MN1: variants seen among roughly 807,000 people sequenced by gnomAD.
The protein encoded by MN1 is transcriptional activator MN1.
MN1 carries 19 observed loss-of-function variants against 86.9 expected under a neutral mutation model. The observed-to-expected ratio is 0.22, with a 90% confidence interval of 0.15 to 0.32. The LOEUF (loss-of-function observed/expected upper bound fraction) is 0.32. Ranked by LOEUF, MN1 falls within the 10% of genes least tolerant of loss-of-function variation. The pLI is 1.00. For missense variants in MN1, 1,841 were observed against 1,862.0 expected, an observed-to-expected ratio of 0.99 and a Z score of 0.21; for synonymous variants, 928 against 849.6, an observed-to-expected ratio of 1.09 and a Z score of -1.60.
At chr22:27,777,744 C>A (rs1003163024) in intron 1 of MN1, among the ~76,000 whole-genome samples, 1 of 151,548 alleles carries the variant, frequency 6.6e-6, no homozygotes, top group African/African-American at 2.4e-5. Flanking sequence ...GGCGTGGTGG[C>A]GCATGCCTGT....
chr22:27,791,540 G>C (rs1933210789), intron 1 of MN1, among the ~76,000 whole-genome samples: 1 of 152,124 alleles, frequency 6.6e-6, no homozygotes, highest in Non-Finnish European at 1.5e-5. Flanking sequence ...AAGGACAGAA[G>C]GTGAAACCAC....
chr22:27,799,374 G>T lies in MN1; in HGVS notation c.1170C>A (p.Ser390Arg). The T allele has an allele frequency of 6.5e-7, 1 of 1,546,708 alleles. No homozygotes were observed. Among genetic ancestry groups the T allele is most frequent in the Non-Finnish European group, 8.7e-7 (1 of 1,149,176 alleles). ...TGGGGCCTCCGTCCTGCAGGCCGCC[G>T]CTGGGCGTGCCCGCCTCGCCCTGCT... ...RPQQGEAGTP[S>R]GGLQDGGPML... Residue 390 changes from serine to arginine, a missense_variant, in exon 1 of 2, where the codon AGC becomes AGA. Transcript: ENST00000302326.
chr22:27,777,544 A>T (rs1450477140), intron 1 of MN1, among the ~76,000 whole-genome samples: 5 of 151,036 alleles, frequency 3.3e-5, no homozygotes, highest in Non-Finnish European at 7.4e-5. Flanking sequence ...AAAAAAAAAA[A>T]AAAAGAGAGA....
In MN1 at chr22:27,748,712, G is replaced by C; in HGVS notation, c.*2203C>G. Reference sequence around the variant, plus strand: ...TTTAAAGCTGTTTCATTCTGGGGTCGTGGGGAGCGAGAAAGTTTTTAAAAC... The same window carrying C: ...TTTAAAGCTGTTTCATTCTGGGGTCCTGGGGAGCGAGAAAGTTTTTAAAAC... On this transcript the variant is annotated 3_prime_UTR_variant, in exon 2 of 2. Transcript: ENST00000302326. The C allele has an allele frequency of 4.6e-6, 1 of 217,706 alleles. No homozygotes were observed. The highest frequency in any genetic ancestry group is 9.3e-6 in the Non-Finnish European group (1 of 108,026). 13.5% of individuals were successfully genotyped at this position (217,706 alleles called of 1,614,324 possible). A position where few individuals can be genotyped will look rare whatever the true frequency, so the allele number is the denominator to read the frequency against.
intron 1 of MN1, among the ~76,000 whole-genome samples, chr22:27,761,600 C>T (rs753202147): frequency 5.3e-5 from 8 of 152,174 alleles, no homozygotes; most frequent in African/African-American, 9.7e-5. Context: ...AGGCAGCACA[C>T]GGCAGGGATG....
At chr22:27,795,821 A>G (rs1292792088) in intron 1 of MN1, among the ~76,000 whole-genome samples, 1 of 152,184 alleles carries the variant, frequency 6.6e-6, no homozygotes, top group Non-Finnish European at 1.5e-5. Context: ...TAGGTTAAAA[A>G]GAACTGTTAT....
At chr22:27,786,368 G>A (rs542173063) in intron 1 of MN1, among the ~76,000 whole-genome samples, 22 of 152,234 alleles carry the variant, frequency 1.4e-4, no homozygotes, top group East Asian at 5.8e-4. Context: ...CTCAGCTTCC[G>A]AGACTTATGC....
intron 1 of MN1, among the ~76,000 whole-genome samples, chr22:27,781,213 G>A (rs528643586): frequency 6.6e-6 from 1 of 152,334 alleles, no homozygotes; most frequent in East Asian, 1.9e-4. Context: ...TTACAAGCAT[G>A]AGCTACCATG....
intron 1 of MN1, among the ~76,000 whole-genome samples, chr22:27,771,175 T>C (rs1268014227): frequency 2.0e-5 from 3 of 149,078 alleles, no homozygotes; most frequent in African/African-American, 4.9e-5. Context: ...AAAAACTCTA[T>C]AACCCCATGA....
rs1437696470 is a variant in MN1, at chr22:27,799,106, C to T, written c.1438G>A (p.Gly480Ser). ...GGGGAGAGGTGATTATCCAGAGCGC[C>T]GTTGTGCATGCTGCCGTTCCACGAA... is the stretch of plus-strand genomic sequence containing the variant. ...CASWNGSMHN[G>S]ALDNHLSPSA... is the part of the protein sequence containing the mutation. The change falls in exon 1 of 2, where the codon GGC (glycine) becomes AGC (serine). Residue 480 changes from glycine to serine, a missense_variant. Coordinates refer to ENST00000302326, the MANE Select transcript of MN1 (RefSeq NM_002430.3). 6.2e-7 allele frequency: 1 copy of T among 1,604,680 alleles called. No homozygotes were observed. The highest frequency in any genetic ancestry group is 8.5e-7 in the Non-Finnish European group (1 of 1,173,530).
intron 1 of MN1, among the ~76,000 whole-genome samples, chr22:27,764,951 G>A (rs1254751789): frequency 2.6e-5 from 4 of 152,116 alleles, no homozygotes; most frequent in Non-Finnish European, 5.9e-5. Flanking sequence ...TTGCTCATTT[G>A]TTTACATTTT....
In MN1 at chr22:27,799,636, G is replaced by GGCTGCT. The variant is rs763112044; in HGVS notation, c.902_907dup (p.Gln301_Gln302dup). 1.1e-5 allele frequency: 17 copies of GGCTGCT among 1,544,600 alleles called. No individual in the cohort carries two copies. The highest frequency in any genetic ancestry group is 7.2e-5 in the South Asian group (6 of 83,396). On this transcript the variant is annotated inframe_insertion, in exon 1 of 2. Transcript: ENST00000302326. The stretch of plus-strand genomic sequence containing the variant: ...ACCATGCTGCTGCTGCTGCTGCTGG[G>GGCTGCT]GCTGCTGCTGCTGCTGGGGCTGCTG...
intron 1 of MN1, among the ~76,000 whole-genome samples, chr22:27,793,073 G>A (rs1933236465): frequency 6.6e-6 from 1 of 152,182 alleles, no homozygotes; most frequent in Admixed American, 6.5e-5. Context: ...ATTGCTTGCA[G>A]AGTGTGTACC....
chr22:27,798,559 C>A lies in MN1; in HGVS notation c.1985G>T (p.Ser662Ile). 1 of 1,528,494 alleles carries A rather than the reference C, an allele frequency of 6.5e-7. No homozygotes were observed. The highest frequency in any genetic ancestry group is 1.2e-5 in the South Asian group (1 of 80,078). The allele number at this position is 1,528,494 out of a possible 1,614,324, so 94.7% of individuals were successfully genotyped here. A position where few individuals can be genotyped will look rare whatever the true frequency, so the allele number is the denominator to read the frequency against. Residue 662 changes from serine (S) to isoleucine (I), a missense_variant, in exon 1 of 2, where the codon AGC becomes ATC. Physicochemically the swap from Ser to Ile is moderately radical, Grantham distance 142 (BLOSUM62 -2). Transcript: ENST00000302326. ...LPADCGPHDP[S>I]LAPPPPPGGS... ...ACCAGGCGGAGGAGGGGGCGCCAGG[C>A]TGGGGTCGTGCGGGCCACAGTCAGC...
chr22:27,756,855 A>T (rs1980937644), intron 1 of MN1, among the ~76,000 whole-genome samples: 2 of 152,150 alleles, frequency 1.3e-5, no homozygotes, highest in Admixed American at 6.5e-5. Context: ...TCCTGGGCTC[A>T]AGCAATCCTC....
At position 27,798,247 on chromosome 22, in the gene MN1, G is replaced by A. The variant is rs2146316474; in HGVS notation, c.2297C>T (p.Pro766Leu). 1.3e-6 allele frequency: 2 copies of A among 1,517,550 alleles called. No individual in the cohort carries two copies. The highest frequency in any genetic ancestry group is 1.7e-6 in the Non-Finnish European group (2 of 1,143,240). 94.0% of individuals were successfully genotyped at this position (1,517,550 alleles called of 1,614,324 possible). A position where few individuals can be genotyped will look rare whatever the true frequency, so the allele number is the denominator to read the frequency against. ...GCCACCGCCCCCTCCCGCGCTGGGG[G>A]GCGAGTTCACGCCTGGACCGCTGTG... ...TPHSGPGVNS[P>L]PSAGGGGGSS... Residue 766 changes from proline to leucine, a missense_variant, in exon 1 of 2, where the codon CCC becomes CTC. Pro to Leu is a moderately conservative substitution (Grantham distance 98, BLOSUM62 -3). Coordinates refer to ENST00000302326, the MANE Select transcript of MN1 (RefSeq NM_002430.3).
chr22:27,797,243 G>T lies in MN1; in HGVS notation c.3301C>A (p.Pro1101Thr), dbSNP rs1342016323. ...GACATGATGCCCAGGCCGAGGGCGG[G>T]CGGGGGCGCCTTCGGTCCGTGTTCC... is the stretch of plus-strand genomic sequence containing the variant. The part of the protein sequence containing the change: ...AGEHGPKAPP[P>T]ALGLGIMSNS... Residue 1101 changes from proline (P) to threonine (T), a missense_variant, in exon 1 of 2, where the codon CCC becomes ACC. By Grantham distance (38) the Pro-to-Thr change is conservative. Coordinates refer to ENST00000302326, the MANE Select transcript of MN1 (RefSeq NM_002430.3). 6.4e-7 allele frequency: 1 copy of T among 1,572,654 alleles called. No homozygotes were observed. The highest frequency in any genetic ancestry group is 8.6e-7 in the Non-Finnish European group (1 of 1,166,050).
Position 27,796,968 on chromosome 22 carries a change from C to T in MN1, c.3576G>A (p.Ala1192=), listed in dbSNP as rs752393215. ...KGECAVGASG[A]QNGDSELGSC... ...TGCCCAGCTCGCTGTCGCCATTCTGCGCCCCTGAGGCCCCGACGGCGCACT... is the reference window on the plus strand; with the variant it reads ...TGCCCAGCTCGCTGTCGCCATTCTGTGCCCCTGAGGCCCCGACGGCGCACT... The change falls in exon 1 of 2, where the codon GCG becomes GCA. Residue 1192 remains alanine, a synonymous_variant. Transcript: ENST00000302326. The T allele has an allele frequency of 1.2e-6, 2 of 1,612,232 alleles. No individual in the cohort carries two copies. Among genetic ancestry groups the T allele is most frequent in the South Asian group, 1.1e-5 (1 of 91,008 alleles).
chr22:27,796,997 C>T lies in MN1; in HGVS notation c.3547G>A (p.Gly1183Ser). The T allele has an allele frequency of 6.2e-7, 1 of 1,612,648 alleles. No homozygotes were observed. Among genetic ancestry groups the T allele is most frequent in the African/African-American group, 1.3e-5 (1 of 75,044 alleles). ...QPLGLKGGKK[G>S]ECAVGASGAQ... Reference sequence around the variant, plus strand: ...CCTGAGGCCCCGACGGCGCACTCACCCTTCTTGCCACCCTTCAGCCCCAGA... The same window carrying T: ...CCTGAGGCCCCGACGGCGCACTCACTCTTCTTGCCACCCTTCAGCCCCAGA... Residue 1183 changes from glycine (G) to serine (S), a missense_variant, in exon 1 of 2, where the codon GGT becomes AGT. Coordinates refer to ENST00000302326, the MANE Select transcript of MN1 (RefSeq NM_002430.3).
Sources: allele counts gnomAD v4.1 joint callset (sites outside exome capture counted in the v4.1 genomes callset), GRCh38; gene constraint gnomAD v4.1.1; transcripts MANE v1.5; gene names NCBI Gene and HGNC (gene_info 2026-07-23, HGNC 2026-07-21).